Variants in CCDC178 observed in about 807,000 individuals in gnomAD.
The protein encoded by CCDC178 is coiled-coil domain containing 178.
CCDC178 carries 126 observed loss-of-function variants against 117.4 expected under a neutral mutation model. That is an observed-to-expected ratio of 1.07 (90% CI 0.93 to 1.24). The LOEUF (loss-of-function observed/expected upper bound fraction) is 1.24. Among genes scored for constraint, CCDC178 ranks in the 50% most tolerant of loss-of-function variants. The pLI, the probability that CCDC178 is intolerant of heterozygous loss-of-function variation, is 0.00. For missense variants in CCDC178, 1,030 were observed against 986.9 expected (o/e 1.04, Z -0.59); for synonymous variants, 283 against 313.4 (o/e 0.90, Z 1.02).
At chr18:33,211,451 G>A (rs1201772013) in intron 20 of CCDC178, among the ~76,000 whole-genome samples, 2 of 151,704 alleles carry the variant, frequency 1.3e-5, no homozygotes, top group Non-Finnish European at 2.9e-5. Flanking sequence ...TAAATTTATA[G>A]GTCCATTAGA....
chr18:33,394,552 G>GT (rs1160470695), intron 4 of CCDC178, among the ~76,000 whole-genome samples: 1 of 151,638 alleles, frequency 6.6e-6, no homozygotes, highest in Non-Finnish European at 1.5e-5. Context: ...ACTTAAGAAG[G>GT]TTTTTTCATT....
At chr18:33,377,924 C>T (rs1438011228) in intron 5 of CCDC178, among the ~76,000 whole-genome samples, 1 of 152,094 alleles carries the variant, frequency 6.6e-6, no homozygotes, top group East Asian at 1.9e-4. Context: ...TAGACTGTTT[C>T]AGTTCTTCTT....
In CCDC178 at chr18:33,439,696, G is replaced by A. The variant is rs77223958; in HGVS notation, c.-23+266C>T. Among the ~76,000 whole-genome samples, 1,196 of 152,272 alleles carry A rather than the reference G, an allele frequency of 7.9e-3. 15 individuals carry two copies. Among genetic ancestry groups the A allele is most frequent in the African/African-American group, 0.028 (1,143 of 41,536 alleles). ...AGGACCAAGAAACAATATTTTGAGG[G>A]TAGGAGGGAGATGTCAAGAATGCTG... On this transcript the variant is annotated intron_variant, in intron 2 of 22. Coordinates refer to ENST00000383096, the MANE Select transcript of CCDC178 (RefSeq NM_001105528.4).
At chr18:33,030,524 G>GATAGATAGATAGATAGATAGATAC (rs1567943370) in intron 21 of CCDC178, among the ~76,000 whole-genome samples, 1 of 141,826 alleles carries the variant, frequency 7.1e-6, no homozygotes, top group African/African-American at 2.8e-5. Context: ...ACTGATAGAA[G>GATAGATAGATAGATAGATAGATAC]ATAGATAGAT....
chr18:33,165,345 C>T (rs942204340), intron 20 of CCDC178, among the ~76,000 whole-genome samples: 1 of 152,136 alleles, frequency 6.6e-6, no homozygotes, highest in Middle Eastern at 3.4e-3. Flanking sequence ...AGTATAACAA[C>T]AATTTACACA....
At chr18:33,003,932 G>A (rs1486940772) in intron 21 of CCDC178, among the ~76,000 whole-genome samples, 1 of 151,948 alleles carries the variant, frequency 6.6e-6, no homozygotes, top group Non-Finnish European at 1.5e-5. Context: ...ATTTGCAATA[G>A]ATGCAAATGC....
chr18:33,102,554 C>T (rs1397199552), intron 20 of CCDC178, among the ~76,000 whole-genome samples: 1 of 151,538 alleles, frequency 6.6e-6, no homozygotes, highest in Non-Finnish European at 1.5e-5. Context: ...AATACAATAT[C>T]CTTATGGGTT....
At chr18:33,373,221 C>T (rs1424440646) in intron 5 of CCDC178, among the ~76,000 whole-genome samples, 1 of 152,128 alleles carries the variant, frequency 6.6e-6, no homozygotes, top group African/African-American at 2.4e-5. Context: ...ACACTTATCA[C>T]TAAATATCTA....
At chr18:33,004,310 T>C (rs1485055044) in intron 21 of CCDC178, among the ~76,000 whole-genome samples, 2 of 152,036 alleles carry the variant, frequency 1.3e-5, no homozygotes, top group Admixed American at 6.6e-5. Flanking sequence ...TAGAACAGAA[T>C]AGAGAATCCA....
At chr18:33,316,580 G>C (rs1599150232) in intron 11 of CCDC178, among the ~76,000 whole-genome samples, 1 of 152,232 alleles carries the variant, frequency 6.6e-6, no homozygotes, top group East Asian at 1.9e-4. Context: ...TCCACCTGCC[G>C]CCCCAGTGGG....
At chr18:33,267,336 G>A (rs761019206) in intron 12 of CCDC178, 39 bp from the exon 13 acceptor site, 2 of 1,133,138 alleles carry the variant, frequency 1.8e-6, no homozygotes, top group Non-Finnish European at 2.5e-6. Context: ...GAATTGTATA[G>A]CTTTTCATCC....
intron 5 of CCDC178, among the ~76,000 whole-genome samples, chr18:33,383,749 T>C (rs1311295310): frequency 6.6e-6 from 1 of 152,066 alleles, no homozygotes; most frequent in Non-Finnish European, 1.5e-5. Flanking sequence ...TCCATGAAGA[T>C]GAAGAAAAGC....
chr18:33,164,568 AT>A (rs968599448), intron 20 of CCDC178, among the ~76,000 whole-genome samples: 1 of 151,616 alleles, frequency 6.6e-6, no homozygotes, highest in Non-Finnish European at 1.5e-5. Flanking sequence ...TAAATAACAT[AT>A]TTTTTGTGCA....
intron 6 of CCDC178, 67 bp from the exon 7 acceptor site, chr18:33,356,413 C>T: frequency 1.5e-6 from 2 of 1,341,794 alleles, no homozygotes; most frequent in South Asian, 2.9e-5. Flanking sequence ...ATAAATGTCA[C>T]TTAAACTTGT....
intron 5 of CCDC178, among the ~76,000 whole-genome samples, chr18:33,371,784 TACACACACACACACAC>T (rs146013235): frequency 6.9e-6 from 1 of 144,192 alleles, no homozygotes; most frequent in African/African-American, 2.6e-5. Context: ...TAAACATATA[TACACACACACACACAC>T]ACACACACAC....
chr18:33,263,287 T>C (rs889080104), intron 14 of CCDC178, among the ~76,000 whole-genome samples: 1 of 152,146 alleles, frequency 6.6e-6, no homozygotes, highest in African/African-American at 2.4e-5. Context: ...TCAAATTCTA[T>C]GAAACTATTT....
chr18:33,218,122 A>G (rs1302920919), intron 18 of CCDC178, among the ~76,000 whole-genome samples: 1 of 152,104 alleles, frequency 6.6e-6, no homozygotes, highest in Non-Finnish European at 1.5e-5. Flanking sequence ...TTAAAAAATG[A>G]TATGAGGACA....
chr18:33,414,472 A>G (rs570656105), intron 2 of CCDC178, among the ~76,000 whole-genome samples: 4 of 152,262 alleles, frequency 2.6e-5, no homozygotes, highest in Non-Finnish European at 4.4e-5. Flanking sequence ...TTTAATAAAC[A>G]GTGCTGGGAA....
At chr18:33,437,861 A>G (rs768723087) in intron 2 of CCDC178, 4 of 152,196 alleles carry the variant, frequency 2.6e-5, no homozygotes, top group Non-Finnish European at 5.9e-5. Flanking sequence ...TATTTAGTCC[A>G]GTCACCAGCA....
Sources: allele counts gnomAD v4.1 joint callset (sites outside exome capture counted in the v4.1 genomes callset), GRCh38; gene constraint gnomAD v4.1.1; transcripts MANE v1.5; gene names NCBI Gene and HGNC (gene_info 2026-07-23, HGNC 2026-07-21).